Variants in TMEM45A observed in about 807,000 individuals in gnomAD.
TMEM45A encodes the protein DNA polymerase-transactivated protein 4.
TMEM45A carries 25 observed loss-of-function variants against 32.0 expected under a neutral mutation model. The ratio of observed to expected loss-of-function variants is 0.78; its 90% CI spans 0.57 to 1.09. The LOEUF (loss-of-function observed/expected upper bound fraction) is 1.09. Among genes scored for constraint, TMEM45A ranks in the 50% least tolerant of loss-of-function variants. The pLI, the probability that TMEM45A is intolerant of heterozygous loss-of-function variation, is 0.00. For synonymous variants in TMEM45A, 122 were observed against 114.8 expected (o/e 1.06, Z -0.40); for missense variants, 302 against 325.0 (o/e 0.93, Z 0.54).
chr3:100,569,499 G>A (rs923319566), intron 5 of TMEM45A, among the ~76,000 whole-genome samples: 10 of 152,204 alleles, frequency 6.6e-5, no homozygotes, highest in African/African-American at 2.4e-4. Flanking sequence ...TGGGTAAGGA[G>A]CAGTAGAACA....
chr3:100,539,784 A>G (rs1414558228), intron 1 of TMEM45A, among the ~76,000 whole-genome samples: 3 of 152,164 alleles, frequency 2.0e-5, no homozygotes, highest in African/African-American at 7.2e-5. Context: ...TAGTCTACCA[A>G]TTCAAATGCC....
At chr3:100,573,970 G>C (rs1295090231) in intron 5 of TMEM45A, 1 of 152,130 alleles carries the variant, frequency 6.6e-6, no homozygotes, top group African/African-American at 2.4e-5. Context: ...TGGTGGATAA[G>C]CTTTTTGATG....
At chr3:100,536,837 C>T (rs1705749849) in intron 1 of TMEM45A, among the ~76,000 whole-genome samples, 1 of 152,212 alleles carries the variant, frequency 6.6e-6, no homozygotes, top group Admixed American at 6.5e-5. Flanking sequence ...GGCCCAAACC[C>T]TGGCCCCACA....
Position 100,569,270 on chromosome 3 carries a change from G to A in TMEM45A, c.734+303G>A, listed in dbSNP as rs532331960. On this transcript the variant is annotated intron_variant, in intron 5 of 5. Coordinates refer to ENST00000323523, the MANE Select transcript of TMEM45A (RefSeq NM_018004.3). ...TATTTCCTCTTCTCTCTTCTGAATG[G>A]TTTCCCTCACCCTGCACTGCCTATA... Among the ~76,000 whole-genome samples the A allele has an allele frequency of 2.6e-5, 4 of 152,192 alleles. No individual in the cohort carries two copies. The South Asian group carries it at 8.3e-4, about 32-fold the overall frequency.
intron 1 of TMEM45A, among the ~76,000 whole-genome samples, chr3:100,520,638 A>G (rs997611781): frequency 6.6e-6 from 1 of 152,086 alleles, no homozygotes; most frequent in Non-Finnish European, 1.5e-5. Flanking sequence ...CTATGCAGCT[A>G]AGTATAGTCC....
At chr3:100,505,824 G>T (rs1708071875) in intron 1 of TMEM45A, among the ~76,000 whole-genome samples, 1 of 152,224 alleles carries the variant, frequency 6.6e-6, no homozygotes, top group Non-Finnish European at 1.5e-5. Context: ...CACTCGGACT[G>T]CTCCAGCTTA....
At chr3:100,543,943 G>T (rs182225738) in intron 1 of TMEM45A, among the ~76,000 whole-genome samples, 4 of 152,238 alleles carry the variant, frequency 2.6e-5, no homozygotes, top group Non-Finnish European at 4.4e-5. Context: ...GGGGGCGATA[G>T]CATTACCTAT....
chr3:100,575,197 A>T (rs996313541), intron 5 of TMEM45A, among the ~76,000 whole-genome samples: 6 of 152,140 alleles, frequency 3.9e-5, no homozygotes, highest in Non-Finnish European at 8.8e-5. Context: ...GTCACAGCAC[A>T]ATGCCTTTAT....
Position 100,513,717 on chromosome 3 carries a change from C to A in TMEM45A, c.-4+20789C>A, listed in dbSNP as rs571421337. 1.3e-4 allele frequency among the ~76,000 whole-genome samples: 20 copies of A among 151,934 alleles called. No homozygotes were observed. In the South Asian group the frequency reaches 4.2e-3, roughly 32 times the overall value. Reference sequence around the variant, plus strand: ...GTTTGCAGATGACATGATTGTATATCTAGAAAACCCCATCATCTCAGCCCA... The same window carrying A: ...GTTTGCAGATGACATGATTGTATATATAGAAAACCCCATCATCTCAGCCCA... On this transcript the variant is annotated intron_variant, in intron 1 of 5. Transcript: ENST00000323523.
intron 1 of TMEM45A, among the ~76,000 whole-genome samples, chr3:100,517,120 CT>C (rs951272463): frequency 6.6e-6 from 1 of 151,650 alleles, no homozygotes; most frequent in Non-Finnish European, 1.5e-5. Flanking sequence ...TTTTTCTTTT[CT>C]TTTCTTTTTT....
intron 1 of TMEM45A, among the ~76,000 whole-genome samples, chr3:100,510,047 C>A (rs1245214112): frequency 1.3e-5 from 2 of 152,142 alleles, no homozygotes; most frequent in East Asian, 1.9e-4. Context: ...GGGGGAGGAG[C>A]GCCCGCCATT....
At chr3:100,569,265 G>A (rs1448160255) in intron 5 of TMEM45A, among the ~76,000 whole-genome samples, 1 of 152,142 alleles carries the variant, frequency 6.6e-6, no homozygotes, top group East Asian at 1.9e-4. Context: ...TCTCTCTTCT[G>A]AATGGTTTCC....
At chr3:100,563,101 T>C (rs946255536) in intron 4 of TMEM45A, among the ~76,000 whole-genome samples, 1 of 152,188 alleles carries the variant, frequency 6.6e-6, no homozygotes, top group African/African-American at 2.4e-5. Context: ...TTTCTTGGGG[T>C]CCAGAGGGAG....
intron 1 of TMEM45A, among the ~76,000 whole-genome samples, chr3:100,534,497 G>T (rs2148959703): frequency 6.6e-6 from 1 of 152,212 alleles, no homozygotes; most frequent in East Asian, 1.9e-4. Flanking sequence ...GGAGGAAGAG[G>T]CCTGGAACCC....
At chr3:100,523,646 C>T (rs1028017711) in intron 1 of TMEM45A, among the ~76,000 whole-genome samples, 1 of 151,746 alleles carries the variant, frequency 6.6e-6, no homozygotes, top group South Asian at 2.1e-4. Flanking sequence ...TCCTCTTCCT[C>T]CTCCTCCTCC....
intron 1 of TMEM45A, among the ~76,000 whole-genome samples, chr3:100,525,324 C>T (rs577790952): frequency 3.9e-5 from 6 of 152,240 alleles, no homozygotes; most frequent in Admixed American, 2.0e-4. Context: ...CTTAATTTCA[C>T]TGGTTTCTTT....
At chr3:100,522,858 A>G (rs1705460864) in intron 1 of TMEM45A, among the ~76,000 whole-genome samples, 1 of 152,194 alleles carries the variant, frequency 6.6e-6, no homozygotes, top group African/African-American at 2.4e-5. Flanking sequence ...ATCTTTGAAG[A>G]TGATCCTAGA....
In TMEM45A at chr3:100,555,374, A is replaced by T. The variant is rs146251365; in HGVS notation, c.163A>T (p.Ile55Phe). The T allele has an allele frequency of 6.2e-6, 10 of 1,613,816 alleles. No individual in the cohort carries two copies. In the African/African-American group the frequency reaches 1.1e-4, roughly 17 times the overall value. ...LFYRLEILEG[I>F]TIVGMALTGM... ...CTATCGATTGGAAATTTTGGAGGGA[A>T]TTACAATAGTTGGCATGGCTTTAAC... Residue 55 changes from isoleucine to phenylalanine, a missense_variant, in exon 2 of 6, where the codon ATT becomes TTT. Transcript: ENST00000323523.
chr3:100,504,915 C>T (rs1327929668), intron 1 of TMEM45A, among the ~76,000 whole-genome samples: 3 of 152,192 alleles, frequency 2.0e-5, no homozygotes, highest in Non-Finnish European at 4.4e-5. Flanking sequence ...TGAACTCAGC[C>T]TGAAGATGCC....
Sources: allele counts gnomAD v4.1 joint callset (sites outside exome capture counted in the v4.1 genomes callset), GRCh38; gene constraint gnomAD v4.1.1; transcripts MANE v1.5; gene names NCBI Gene and HGNC (gene_info 2026-07-23, HGNC 2026-07-21).